Variants in PPIL6 observed in about 807,000 individuals in gnomAD.
The protein encoded by PPIL6 is peptidylprolyl isomerase like 6.
A neutral mutation model predicts 36.8 loss-of-function variants in PPIL6; 39 were observed. The ratio of observed to expected loss-of-function variants is 1.06; its 90% confidence interval spans 0.82 to 1.38. PPIL6 has a LOEUF of 1.38. Among genes scored for constraint, PPIL6 ranks in the 40% most tolerant of loss-of-function variants. The pLI is 0.00. For synonymous variants in PPIL6, 123 were observed against 134.1 expected, an observed-to-expected ratio of 0.92 and a Z score of 0.57; for missense variants, 368 against 379.1, an observed-to-expected ratio of 0.97 and a Z score of 0.24.
chr6:109,427,107 C>A lies in PPIL6; in HGVS notation c.470G>T (p.Arg157Ile). 6.2e-7 allele frequency: 1 copy of A among 1,611,496 alleles called. No individual in the cohort carries two copies. The stretch of plus-strand genomic sequence containing the variant: ...AAAAAGTATCACCTCAAAAATCAAT[C>A]TTCCAATTGGAGAAGAATCAATACA... ...DICIDSSPIG[R>I]LIFELYCDVC... The change falls in exon 4 of 8, where the codon AGA (arginine) becomes ATA (isoleucine). Residue 157 changes from arginine to isoleucine, a missense_variant. Coordinates refer to ENST00000521072, the MANE Select transcript of PPIL6 (RefSeq NM_173672.5).
Position 109,413,959 on chromosome 6 carries a change from A to C in PPIL6, c.688+5228T>G, listed in dbSNP as rs1773126600. Among the ~76,000 whole-genome samples the C allele has an allele frequency of 6.6e-6, 1 of 152,156 alleles. No individual in the cohort carries two copies. ...CGAGAGTAGAAGGATGGTTACCAGA[A>C]ACTGGGAAGGGTAGTGAGGGTTAAA... On this transcript the variant is annotated intron_variant, in intron 6 of 7. Transcript: ENST00000521072. This position sits in a 1 kb window ranked among gnomAD's most constrained non-coding sequence, Gnocchi z 4.6.
At chr6:109,425,380 T>C (rs1201223069) in intron 5 of PPIL6, among the ~76,000 whole-genome samples, 1 of 152,154 alleles carries the variant, frequency 6.6e-6, no homozygotes, top group Non-Finnish European at 1.5e-5. Context: ...AAACAAATAA[T>C]ATGACCTACT....
intron 6 of PPIL6, among the ~76,000 whole-genome samples, chr6:109,418,905 T>A (rs1034846405): frequency 6.6e-6 from 1 of 152,134 alleles, no homozygotes; most frequent in Non-Finnish European, 1.5e-5. Context: ...GCACGGGAAA[T>A]TACAAGCCCT....
chr6:109,404,289 C>G (rs1310054220), intron 6 of PPIL6, among the ~76,000 whole-genome samples: 2 of 152,204 alleles, frequency 1.3e-5, no homozygotes, highest in Non-Finnish European at 2.9e-5. Flanking sequence ...GGCTGTGCCT[C>G]CGAGCACAAA....
intron 3 of PPIL6, among the ~76,000 whole-genome samples, chr6:109,429,697 C>T (rs1029337927): frequency 5.3e-5 from 8 of 152,166 alleles, no homozygotes; most frequent in African/African-American, 1.9e-4. Context: ...TGAACAAGGG[C>T]CAGCAGTGCC....
intron 3 of PPIL6, among the ~76,000 whole-genome samples, chr6:109,427,461 G>A (rs1170635145): frequency 2.6e-5 from 4 of 152,020 alleles, no homozygotes. Context: ...TTGGCTCATT[G>A]CAGCCTCAAC....
chr6:109,393,242 G>C (rs1167445874), intron 7 of PPIL6, among the ~76,000 whole-genome samples: 2 of 148,812 alleles, frequency 1.3e-5, no homozygotes, highest in African/African-American at 5.0e-5. Flanking sequence ...TTTTGAGACA[G>C]GGTCTCACTC....
intron 5 of PPIL6, among the ~76,000 whole-genome samples, chr6:109,422,433 A>T (rs1001424698): frequency 2.0e-5 from 3 of 152,166 alleles, no homozygotes; most frequent in Non-Finnish European, 2.9e-5. Context: ...CTTTACAAAA[A>T]CATTTTTAAA....
chr6:109,402,930 T>C, intron 6 of PPIL6: 1 of 729,062 alleles, frequency 1.4e-6, no homozygotes, highest in Non-Finnish European at 2.1e-6. Flanking sequence ...ATATTAACTC[T>C]AACTAGCTTT....
At chr6:109,429,402 T>A (rs1774003607) in intron 3 of PPIL6, among the ~76,000 whole-genome samples, 1 of 152,204 alleles carries the variant, frequency 6.6e-6, no homozygotes, top group South Asian at 2.1e-4. Context: ...AGATGGACAA[T>A]AAATCATAAC....
Position 109,392,722 on chromosome 6 carries a change from C to A in PPIL6, c.*104G>T. 4.4e-6 allele frequency: 3 copies of A among 681,538 alleles called. No homozygotes were observed. The highest frequency in any genetic ancestry group is 4.2e-5 in the South Asian group (2 of 47,552). The allele number at this position is 681,538 out of a possible 1,614,324, so 42.2% of individuals were successfully genotyped here. A position where few individuals can be genotyped will look rare whatever the true frequency, so the allele number is the denominator to read the frequency against. ...AGATGAGGCAACCTACAGTGTCTGC[C>A]ACGGCTTTCAAATTACAATTTATCA... On this transcript the variant is annotated 3_prime_UTR_variant, in exon 8 of 8. Transcript: ENST00000521072.
intron 6 of PPIL6, among the ~76,000 whole-genome samples, chr6:109,401,465 C>T (rs1168401742): frequency 6.6e-6 from 1 of 152,112 alleles, no homozygotes; most frequent in Non-Finnish European, 1.5e-5. Flanking sequence ...TAAACTGCAA[C>T]TGCTGTTATT....
chr6:109,420,950 C>A (rs965553595), intron 5 of PPIL6, among the ~76,000 whole-genome samples: 2 of 152,230 alleles, frequency 1.3e-5, no homozygotes, highest in African/African-American at 4.8e-5. Flanking sequence ...CCATGGTTCA[C>A]TACCCAGCCC....
chr6:109,440,873 G>C, upstream of PPIL6: 1 of 538,746 alleles, frequency 1.9e-6, no homozygotes, highest in Non-Finnish European at 3.2e-6. Context: ...ACCGAGCCTG[G>C]GCGCCCGGAT....
chr6:109,441,020 G>T, upstream of PPIL6: 3 of 1,226,710 alleles, frequency 2.4e-6, no homozygotes, highest in South Asian at 3.8e-5. Flanking sequence ...CGCCTGCGAA[G>T]AAGGAACGGT....
At position 109,413,319 on chromosome 6, in the gene PPIL6, C is replaced by A. The variant is rs1773097745; in HGVS notation, c.688+5868G>T. Among the ~76,000 whole-genome samples, 1 of 152,162 alleles carries A rather than the reference C, an allele frequency of 6.6e-6. No homozygotes were observed. Among genetic ancestry groups the A allele is most frequent in the South Asian group, 2.1e-4 (1 of 4,836 alleles). On this transcript the variant is annotated intron_variant, in intron 6 of 7. Transcript: ENST00000521072. The surrounding 1 kb of genome is among the most constrained non-coding windows in gnomAD (Gnocchi z 4.6). Reference sequence around the variant, plus strand: ...GGGCAAAAGATTTGAACAGACATTTCTCAAAAGAAGACATACAAATGGCAA... The same window carrying A: ...GGGCAAAAGATTTGAACAGACATTTATCAAAAGAAGACATACAAATGGCAA...
chr6:109,425,808 A>C (rs956171639), intron 5 of PPIL6, among the ~76,000 whole-genome samples: 3 of 151,938 alleles, frequency 2.0e-5, no homozygotes, highest in Non-Finnish European at 2.9e-5. Flanking sequence ...GAGAGTCAAC[A>C]CTGAACTCAT....
At chr6:109,396,642 C>A (rs1010717392) in intron 7 of PPIL6, among the ~76,000 whole-genome samples, 1 of 151,924 alleles carries the variant, frequency 6.6e-6, no homozygotes, top group Non-Finnish European at 1.5e-5. Flanking sequence ...TTTCCATGAC[C>A]CCCTCCCACC....
intron 5 of PPIL6, among the ~76,000 whole-genome samples, chr6:109,419,554 C>T (rs193191072): frequency 9.2e-5 from 14 of 152,008 alleles, no homozygotes; most frequent in African/African-American, 3.4e-4. Context: ...GAAACCCTGT[C>T]TCTACTAAAA....
Sources: allele counts gnomAD v4.1 joint callset (sites outside exome capture counted in the v4.1 genomes callset), GRCh38; gene constraint gnomAD v4.1.1; non-coding constraint Gnocchi (gnomAD v3.1); transcripts MANE v1.5; gene names NCBI Gene and HGNC (gene_info 2026-07-23, HGNC 2026-07-21).